SBF2: variants seen among roughly 807,000 people sequenced by gnomAD.
SBF2 encodes SET binding factor 2.
Under a neutral mutation model 225.2 loss-of-function variants are expected in SBF2, and 112 were observed. The observed-to-expected ratio is 0.50, with a 90% CI of 0.43 to 0.58. SBF2 has a LOEUF of 0.58. SBF2 is among the 20% of genes least tolerant of loss of function. The pLI is 0.00. For missense variants in SBF2, 1,996 were observed against 2,206.2 expected (o/e 0.90, Z 1.91); for synonymous variants, 763 against 773.3 (o/e 0.99, Z 0.22).
At chr11:10,152,271 C>A (rs1382871237) in intron 2 of SBF2, among the ~76,000 whole-genome samples, 2 of 152,114 alleles carry the variant, frequency 1.3e-5, no homozygotes, top group African/African-American at 2.4e-5. Flanking sequence ...CCCATATAGG[C>A]CGGGAGCGGT....
At chr11:9,880,275 G>GT (rs1259805720) in intron 17 of SBF2, among the ~76,000 whole-genome samples, 2 of 152,068 alleles carry the variant, frequency 1.3e-5, no homozygotes, top group African/African-American at 4.8e-5. Context: ...TATGTGTTTT[G>GT]TTTTGGCTGT....
chr11:9,887,711 CATTTTTCTGCTGACTAATTT>C (rs1860448229), intron 17 of SBF2, among the ~76,000 whole-genome samples: 1 of 152,060 alleles, frequency 6.6e-6, no homozygotes, highest in Admixed American at 6.5e-5. Flanking sequence ...CACTCTCAAA[CATTTTTCTGCTGACTAATTT>C]ATTTTTAAGA....
intron 17 of SBF2, among the ~76,000 whole-genome samples, chr11:9,872,916 C>T (rs974964998): frequency 6.6e-6 from 1 of 152,068 alleles, no homozygotes; most frequent in Non-Finnish European, 1.5e-5. Flanking sequence ...AAAAGAAGAA[C>T]AGGGACCTCT....
chr11:10,286,877 T>C (rs577028627), intron 1 of SBF2, among the ~76,000 whole-genome samples: 4 of 152,348 alleles, frequency 2.6e-5, no homozygotes, highest in Admixed American at 6.5e-5. Context: ...AAGACACTTA[T>C]GACCTAGCAA....
At chr11:10,134,417 C>T (rs1272174368) in intron 2 of SBF2, among the ~76,000 whole-genome samples, 1 of 152,064 alleles carries the variant, frequency 6.6e-6, no homozygotes, top group Non-Finnish European at 1.5e-5. Flanking sequence ...CATGCCTTCC[C>T]AACAGTCCCC....
At chr11:10,120,239 T>A (rs1470942607) in intron 2 of SBF2, among the ~76,000 whole-genome samples, 1 of 152,246 alleles carries the variant, frequency 6.6e-6, no homozygotes, top group African/African-American at 2.4e-5. Context: ...TCATGGTTTA[T>A]CCATGTTATA....
chr11:10,067,604 T>C (rs1950676409), intron 2 of SBF2, among the ~76,000 whole-genome samples: 2 of 151,466 alleles, frequency 1.3e-5, no homozygotes, highest in Admixed American at 6.6e-5. Flanking sequence ...AGTAAAGAAA[T>C]GGAAATAAGG....
At chr11:10,253,671 T>C (rs1470258) in intron 1 of SBF2, among the ~76,000 whole-genome samples, 1,956 of 152,260 alleles carry the variant, frequency 0.013, 42 homozygotes, top group African/African-American at 0.036. Flanking sequence ...CAATTTAATA[T>C]CTCAATTGCC....
At chr11:10,038,832 A>G (rs1055218318) in intron 3 of SBF2, among the ~76,000 whole-genome samples, 2 of 151,884 alleles carry the variant, frequency 1.3e-5, no homozygotes, top group African/African-American at 4.8e-5. Context: ...CATATGAAAT[A>G]ACTTTAAAAA....
chr11:9,967,992 A>ATAT (rs1565073558), intron 14 of SBF2, among the ~76,000 whole-genome samples: 336 of 131,498 alleles, frequency 2.6e-3, no homozygotes, highest in Non-Finnish European at 4.1e-3. Flanking sequence ...TATATATATA[A>ATAT]AATATATATA....
intron 16 of SBF2, among the ~76,000 whole-genome samples, chr11:9,907,673 CTTTAT>C (rs915976411): frequency 4.6e-5 from 7 of 152,096 alleles, no homozygotes; most frequent in African/African-American, 1.7e-4. Context: ...TAATATCAAG[CTTTAT>C]TTTAAGTTAT....
rs141669540 is a variant in SBF2 at position 9,998,343 on chromosome 11, T to C, written c.898A>G (p.Ile300Val). ...VIIADLDGGT[I>V]KIPECIHLSS... The stretch of plus-strand genomic sequence containing the variant: ...AGGTGAATACATTCGGGAATTTTAA[T>C]AGTGCCTCCATCCAAATCTGCTATG... Residue 300 changes from isoleucine (I) to valine (V), a missense_variant, in exon 9 of 40, where the codon ATT becomes GTT. By Grantham distance (29) the Ile-to-Val change is conservative. Coordinates refer to ENST00000256190, the MANE Select transcript of SBF2 (RefSeq NM_030962.4). The C allele has an allele frequency of 3.5e-5, 57 of 1,607,132 alleles. 1 individual carries two copies. Among genetic ancestry groups the C allele is most frequent in the Non-Finnish European group, 4.4e-5 (52 of 1,174,176 alleles).
intron 2 of SBF2, among the ~76,000 whole-genome samples, chr11:10,081,480 T>C (rs1221112421): frequency 6.6e-6 from 1 of 152,126 alleles, no homozygotes; most frequent in Non-Finnish European, 1.5e-5. Flanking sequence ...AAGAAATGGC[T>C]GGGCACGGTA....
At chr11:10,129,962 A>T (rs1953953253) in intron 2 of SBF2, among the ~76,000 whole-genome samples, 3 of 152,158 alleles carry the variant, frequency 2.0e-5, no homozygotes, top group Non-Finnish European at 4.4e-5. Flanking sequence ...GTGAGCCAAG[A>T]TCATGCCACT....
intron 2 of SBF2, among the ~76,000 whole-genome samples, chr11:10,115,905 G>A (rs1044191971): frequency 6.6e-6 from 1 of 152,158 alleles, no homozygotes; most frequent in Non-Finnish European, 1.5e-5. Flanking sequence ...GGTGGCTCAT[G>A]CCTGTAATCC....
chr11:10,149,104 T>A (rs1291989476), intron 2 of SBF2: 2 of 152,290 alleles, frequency 1.3e-5, no homozygotes, highest in Non-Finnish European at 2.9e-5. Context: ...ATCCAAATGC[T>A]AATAACCAAC....
At chr11:9,829,545 A>G (rs1318958305) in intron 27 of SBF2, 49 bp from the exon 28 acceptor site, 1 of 1,454,426 alleles carries the variant, frequency 6.9e-7, no homozygotes, top group Non-Finnish European at 9.6e-7. Context: ...CTGTGTTAAC[A>G]AAACAAGTAT....
intron 16 of SBF2, among the ~76,000 whole-genome samples, chr11:9,901,729 C>T (rs4334006): frequency 0.28 from 42,036 of 151,970 alleles, 6,856 homozygotes; most frequent in African/African-American, 0.45. Context: ...ACTGCAGCTG[C>T]GACCTCCTGG....
intron 2 of SBF2, among the ~76,000 whole-genome samples, chr11:10,064,453 T>C (rs189168822): frequency 1.3e-5 from 2 of 152,180 alleles, no homozygotes; most frequent in African/African-American, 4.8e-5. Flanking sequence ...AGTAAAATAA[T>C]AGATTCCAGC....
Sources: gnomAD v4.1 joint callset for allele counts (sites outside exome capture counted in the v4.1 genomes callset) on GRCh38, gnomAD v4.1.1 for gene constraint, MANE v1.5 for transcripts, NCBI Gene and HGNC (gene_info 2026-07-23, HGNC 2026-07-21) for gene names.